The following ADCY3 variants were observed in gnomAD, a reference collection of about 807,000 sequenced individuals.
ADCY3 encodes adenylate cyclase type 3.
Under a neutral mutation model 119.4 loss-of-function variants are expected in ADCY3, and 70 were observed. That is an observed-to-expected ratio of 0.59 (90% CI 0.48 to 0.72). The LOEUF (loss-of-function observed/expected upper bound fraction) is 0.72, where lower values mean the gene tolerates loss of function less well. Among genes scored for constraint, ADCY3 ranks in the 30% least tolerant of loss-of-function variants. ADCY3 has a pLI of 0.00. For missense variants in ADCY3, 1,238 were observed against 1,541.6 expected, an observed-to-expected ratio of 0.80 and a Z score of 3.30; for synonymous variants, 672 against 621.4, an observed-to-expected ratio of 1.08 and a Z score of -1.21.
intron 2 of ADCY3, among the ~76,000 whole-genome samples, chr2:24,882,930 A>G (rs1412744977): frequency 6.6e-6 from 1 of 152,082 alleles, no homozygotes; most frequent in Non-Finnish European, 1.5e-5. Context: ...ATGGTGGCAC[A>G]TGCCTGTAGT....
At position 24,824,530 on chromosome 2, in the gene ADCY3, T is replaced by C; in HGVS notation, c.2584A>G (p.Lys862Glu). The C allele has an allele frequency of 6.2e-7, 1 of 1,614,144 alleles. No individual in the cohort carries two copies. The highest frequency in any genetic ancestry group is 8.5e-7 in the Non-Finnish European group (1 of 1,179,966). ...CACAAGAAAAGTGTCCGTGCCAGTT[T>C]TTCTACCTACAGACACAGACAAGGC... ...SFYYFSRHVE[K>E]LARTLFLWKI... Residue 862 changes from lysine (K) to glutamate (E), a missense_variant, in exon 17 of 22, where the codon AAA (lysine) becomes GAA (glutamate). By Grantham distance (56) the Lys-to-Glu change is moderately conservative. Around this residue, in one of 7 missense-constraint regions of ADCY3, gnomAD observed 499 missense variants for 571.0 expected, o/e 0.87. Coordinates refer to ENST00000679454, the MANE Select transcript of ADCY3 (RefSeq NM_004036.5).
Position 24,872,734 on chromosome 2 carries a change from A to T in ADCY3, c.676-15T>A. 6.2e-7 allele frequency: 1 copy of T among 1,611,092 alleles called. No individual in the cohort carries two copies. The highest frequency in any genetic ancestry group is 8.5e-7 in the Non-Finnish European group (1 of 1,177,764). ...TTGGCCAGGATCTGCACCCCAAGGA[A>T]GAAGAGAGAAAAGGCCAGGGGTGAA... On this transcript the variant is annotated splice_polypyrimidine_tract_variant and intron_variant, in intron 2 of 21. Transcript: ENST00000679454. This position sits in a 1 kb window ranked among gnomAD's most constrained non-coding sequence, Gnocchi z 4.4.
chr2:24,838,678 C>CA, intron 7 of ADCY3, 56 bp from the exon 8 acceptor site: 1 of 1,607,032 alleles, frequency 6.2e-7, no homozygotes, highest in Admixed American at 1.7e-5. Context: ...CTCACACCCC[C>CA]AGGGGACAGT....
intron 21 of ADCY3, chr2:24,820,436 T>C (rs1667433341): frequency 7.6e-7 from 1 of 1,322,454 alleles, no homozygotes; most frequent in Non-Finnish European, 9.6e-7. Context: ...TCGTGGAGCT[T>C]TTCTGCCAGA....
intron 12 of ADCY3, 27 bp from the exon 13 acceptor site, chr2:24,830,852 A>G: frequency 6.4e-7 from 1 of 1,573,630 alleles, no homozygotes; most frequent in South Asian, 1.1e-5. Flanking sequence ...TTCAAGGGCC[A>G]TGAGCCTTTG....
intron 3 of ADCY3, among the ~76,000 whole-genome samples, chr2:24,869,879 C>T (rs1023784568): frequency 2.0e-5 from 3 of 152,200 alleles, no homozygotes; most frequent in Non-Finnish European, 4.4e-5. Context: ...AGGCAGGTTT[C>T]TCTCTTGAAC....
intron 3 of ADCY3, among the ~76,000 whole-genome samples, chr2:24,850,854 G>A (rs926551523): frequency 6.6e-6 from 1 of 152,188 alleles, no homozygotes; most frequent in African/African-American, 2.4e-5. Flanking sequence ...TTGCAATAAA[G>A]TACAGAGAGA....
intron 2 of ADCY3, among the ~76,000 whole-genome samples, chr2:24,883,943 T>C (rs1676709593): frequency 6.6e-6 from 1 of 152,194 alleles, no homozygotes; most frequent in Admixed American, 6.5e-5. Flanking sequence ...AGTAAAACTT[T>C]TTGCACACCG....
chr2:24,884,454 C>T (rs941518871), intron 2 of ADCY3, among the ~76,000 whole-genome samples: 10 of 139,968 alleles, frequency 7.1e-5, no homozygotes, highest in Non-Finnish European at 1.5e-4. Context: ...CATTTATTGT[C>T]TTTATTTTCT....
At chr2:24,890,112 G>A (rs186675213) in intron 2 of ADCY3, among the ~76,000 whole-genome samples, 8 of 152,228 alleles carry the variant, frequency 5.3e-5, no homozygotes, top group Admixed American at 2.6e-4. Flanking sequence ...TTTTCAGTAG[G>A]CTAATGTTAA....
At chr2:24,851,182 C>T (rs555435574) in intron 3 of ADCY3, among the ~76,000 whole-genome samples, 1 of 152,152 alleles carries the variant, frequency 6.6e-6, no homozygotes, top group Non-Finnish European at 1.5e-5. Context: ...GGCTTGGCTC[C>T]AGACTTCCTA....
chr2:24,822,343 G>C (rs1465542689), intron 19 of ADCY3, 168 bp downstream of exon 19: 1 of 988,734 alleles, frequency 1.0e-6, no homozygotes, highest in Non-Finnish European at 1.5e-6. Context: ...TCTGCTTGCC[G>C]AACTTTCTCA....
intron 2 of ADCY3, among the ~76,000 whole-genome samples, chr2:24,915,311 G>C (rs1664318299): frequency 6.6e-6 from 1 of 152,200 alleles, no homozygotes. Context: ...GAAAGGCGGT[G>C]CCTGGGGTCT....
At position 24,899,977 on chromosome 2, in the gene ADCY3, T is replaced by C. The variant is rs2148984067; in HGVS notation, c.675+18336A>G. On this transcript the variant is annotated intron_variant, in intron 2 of 21. Transcript: ENST00000679454. This position sits in a 1 kb window ranked among gnomAD's most constrained non-coding sequence, Gnocchi z 4.5. ...GATATTCGTTTAAGAGAAGCCTCAA[T>C]GTTAATAGCAGTTATCCTTCAGAAA... Among the ~76,000 whole-genome samples, 2 of 152,304 alleles carry C rather than the reference T, an allele frequency of 1.3e-5. No individual in the cohort carries two copies. The highest frequency in any genetic ancestry group is 4.1e-4 in the South Asian group (2 of 4,822).
At chr2:24,884,837 T>C (rs934231663) in intron 2 of ADCY3, among the ~76,000 whole-genome samples, 1 of 110,078 alleles carries the variant, frequency 9.1e-6, no homozygotes, top group African/African-American at 5.4e-5. Flanking sequence ...GGTACCCTTT[T>C]ACCATCTTTT....
At chr2:24,820,194 G>T in intron 21 of ADCY3, 80 bp from the exon 22 acceptor site, 1 of 1,303,306 alleles carries the variant, frequency 7.7e-7, no homozygotes, top group Non-Finnish European at 1.0e-6. Context: ...TGGGTGGTTG[G>T]AGCCGAGCAC....
In ADCY3 at chr2:24,820,036, TCC is replaced by T. The variant is rs1667316905; in HGVS notation, c.3329_3330del (p.Gly1110GlufsTer14). 1 of 1,607,744 alleles carries T rather than the reference TCC, an allele frequency of 6.2e-7. No homozygotes were observed. The highest frequency in any genetic ancestry group is 1.3e-5 in the African/African-American group (1 of 74,326). On this transcript the variant is annotated frameshift_variant, in exon 22 of 22. Coordinates refer to ENST00000679454, the MANE Select transcript of ADCY3 (RefSeq NM_004036.5). LOFTEE classifies it high-confidence loss of function. ...AAGAAGAAGGTCAGCAGCTCCCCCT[TCC>T]CCTTCACAAAGATGGGGCCTCGCCT... ...FVRRGPIFVK[G>X]KGELLTFFLK...
Position 24,918,201 on chromosome 2 carries a change from C to T in ADCY3, c.675+112G>A. ...GGGAGAGAGGTGAGAGCCCCGGAGGCCCCCAGGACACATTTTGACTCAAAG... is the reference window on the plus strand; with the variant it reads ...GGGAGAGAGGTGAGAGCCCCGGAGGTCCCCAGGACACATTTTGACTCAAAG... On this transcript the variant is annotated intron_variant, in intron 2 of 21. Coordinates refer to ENST00000679454, the MANE Select transcript of ADCY3 (RefSeq NM_004036.5). This position sits in a 1 kb window ranked among gnomAD's most constrained non-coding sequence, Gnocchi z 5.4. The T allele has an allele frequency of 8.3e-7, 1 of 1,211,260 alleles. No homozygotes were observed. Among genetic ancestry groups the T allele is most frequent in the Non-Finnish European group, 1.1e-6 (1 of 870,150 alleles). The allele number at this position is 1,211,260 out of a possible 1,614,324, so 75.0% of individuals were successfully genotyped here.
chr2:24,821,465 C>T lies in ADCY3; in HGVS notation c.3127+52G>A, dbSNP rs369586880. On this transcript the variant is annotated intron_variant, in intron 20 of 21. Coordinates refer to ENST00000679454, the MANE Select transcript of ADCY3 (RefSeq NM_004036.5). ...TGTCTCTCCTGGTGGTGGGCCAGGCCCCTGCATGGGAAGGGAGCCTGCTGC... is the reference window on the plus strand; with the variant it reads ...TGTCTCTCCTGGTGGTGGGCCAGGCTCCTGCATGGGAAGGGAGCCTGCTGC... 7.0e-5 allele frequency: 112 copies of T among 1,603,062 alleles called. No individual in the cohort carries two copies. The African/African-American group carries it at 1.3e-3, about 18-fold the overall frequency.
Sources: gnomAD v4.1 joint callset for allele counts (sites outside exome capture counted in the v4.1 genomes callset) on GRCh38, gnomAD v4.1.1 for gene constraint, gnomAD v4.1.1 regional missense constraint, Gnocchi (gnomAD v3.1) non-coding constraint, MANE v1.5 for transcripts, NCBI Gene and HGNC (gene_info 2026-07-23, HGNC 2026-07-21) for gene names.